INPP4B: variants seen among roughly 807,000 people sequenced by gnomAD.
The protein encoded by INPP4B is inositol polyphosphate-4-phosphatase type II B.
Under a neutral mutation model 122.5 loss-of-function variants are expected in INPP4B, and 55 were observed. The observed-to-expected ratio is 0.45, with a 90% confidence interval of 0.36 to 0.56. The LOEUF is 0.56. Among genes scored for constraint, INPP4B ranks in the 20% least tolerant of loss-of-function variants. The probability of loss-of-function intolerance (pLI) is 0.00; values close to 1 mark genes in which losing one functional copy is unlikely to be tolerated. For missense variants in INPP4B, 1,000 were observed against 1,097.7 expected, an observed-to-expected ratio of 0.91 and a Z score of 1.26; for synonymous variants, 403 against 388.7, an observed-to-expected ratio of 1.04 and a Z score of -0.43.
At chr4:142,068,863 ACT>A (rs1028785091) in intron 25 of INPP4B, among the ~76,000 whole-genome samples, 5 of 152,202 alleles carry the variant, frequency 3.3e-5, no homozygotes, top group African/African-American at 9.7e-5. Flanking sequence ...AGAGACTTAG[ACT>A]CTCACACAAT....
chr4:142,588,265 C>T (rs1354990299), intron 2 of INPP4B, among the ~76,000 whole-genome samples: 1 of 151,726 alleles, frequency 6.6e-6, no homozygotes, highest in African/African-American at 2.4e-5. Flanking sequence ...ATCCTCTTAC[C>T]CATTCCTATT....
At chr4:142,340,190 G>A (rs1778186696) in intron 7 of INPP4B, among the ~76,000 whole-genome samples, 1 of 152,030 alleles carries the variant, frequency 6.6e-6, no homozygotes, top group East Asian at 1.9e-4. Context: ...AACCATGGAG[G>A]CCTCTCCATC....
At chr4:142,536,065 C>T (rs1285761019) in intron 2 of INPP4B, among the ~76,000 whole-genome samples, 1 of 152,164 alleles carries the variant, frequency 6.6e-6, no homozygotes, top group Non-Finnish European at 1.5e-5. Flanking sequence ...TTTCTCCCCA[C>T]AGAGCAAGAC....
At chr4:142,202,511 G>A (rs915219829) in intron 14 of INPP4B, among the ~76,000 whole-genome samples, 1 of 152,002 alleles carries the variant, frequency 6.6e-6, no homozygotes, top group African/African-American at 2.4e-5. Context: ...TCACTGATGA[G>A]GTGATACTCT....
intron 1 of INPP4B, chr4:142,795,342 G>T (rs1363334035): frequency 6.6e-6 from 1 of 151,950 alleles, no homozygotes; most frequent in Non-Finnish European, 1.5e-5. Flanking sequence ...GATGCCAACC[G>T]GATGGGCACT....
chr4:142,323,402 G>A (rs1300232298), intron 7 of INPP4B, among the ~76,000 whole-genome samples: 1 of 151,398 alleles, frequency 6.6e-6, no homozygotes, highest in African/African-American at 2.4e-5. Context: ...ACCTAAACAT[G>A]CCTGAAATAG....
At chr4:142,759,825 T>TAAAAAAAAAAAA (rs70949188) in intron 1 of INPP4B, among the ~76,000 whole-genome samples, 42 of 70,046 alleles carry the variant, frequency 6.0e-4, no homozygotes, top group African/African-American at 2.1e-3. Flanking sequence ...GAGCTTTTTC[T>TAAAAAAAAAAAA]AAAAAAAAAA....
At chr4:142,146,229 T>C (rs751591659) in intron 17 of INPP4B, among the ~76,000 whole-genome samples, 1 of 152,152 alleles carries the variant, frequency 6.6e-6, no homozygotes, top group African/African-American at 2.4e-5. Flanking sequence ...TTATTTTCAC[T>C]GTCATAAAGA....
intron 25 of INPP4B, among the ~76,000 whole-genome samples, chr4:142,031,531 C>A (rs752889565): frequency 6.6e-6 from 1 of 152,068 alleles, no homozygotes; most frequent in Non-Finnish European, 1.5e-5. Context: ...TTTGGTAGAA[C>A]CTAAGGACTA....
intron 2 of INPP4B, among the ~76,000 whole-genome samples, chr4:142,501,460 T>C (rs985910093): frequency 3.3e-5 from 5 of 152,044 alleles, no homozygotes; most frequent in Non-Finnish European, 7.4e-5. Context: ...AGTGAAGAAG[T>C]GAATTATCAC....
At chr4:142,079,658 G>A (rs1414992792) in intron 25 of INPP4B, among the ~76,000 whole-genome samples, 3 of 151,990 alleles carry the variant, frequency 2.0e-5, no homozygotes, top group African/African-American at 7.2e-5. Context: ...TTCTAGATAT[G>A]CATTAGCATC....
In INPP4B at chr4:142,404,812, T is replaced by C. The variant is rs78586791; in HGVS notation, c.255+394A>G. Among the ~76,000 whole-genome samples, 472 of 152,202 alleles carry C rather than the reference T, an allele frequency of 3.1e-3. 4 individuals carry two copies. The highest frequency in any genetic ancestry group is 3.7e-3 in the African/African-American group (155 of 41,540). ...GGGTACTGTACAACTTTCTTTTTTTTCCTCAAAATAAATATTTATTTCAAT... is the reference window on the plus strand; with the variant it reads ...GGGTACTGTACAACTTTCTTTTTTTCCCTCAAAATAAATATTTATTTCAAT... On this transcript the variant is annotated intron_variant, in intron 6 of 25. Coordinates refer to ENST00000262992, the MANE Select transcript of INPP4B (RefSeq NM_001101669.3).
intron 19 of INPP4B, 141 bp from the exon 20 acceptor site, chr4:142,123,556 T>A: frequency 1.3e-6 from 1 of 771,074 alleles, no homozygotes; most frequent in Non-Finnish European, 2.0e-6. Context: ...GTAGGCATAG[T>A]AAAACAAGTT....
At chr4:142,647,486 G>C (rs1752029241) in intron 2 of INPP4B, among the ~76,000 whole-genome samples, 1 of 152,166 alleles carries the variant, frequency 6.6e-6, no homozygotes, top group Non-Finnish European at 1.5e-5. Flanking sequence ...GATAACTTGA[G>C]GGGATGGAAG....
chr4:142,372,914 C>A (rs1179501807), intron 7 of INPP4B, among the ~76,000 whole-genome samples: 1 of 152,030 alleles, frequency 6.6e-6, no homozygotes, highest in Non-Finnish European at 1.5e-5. Context: ...GCACATTTTA[C>A]TTCAATCTAG....
At chr4:142,317,850 G>A (rs1047445868) in intron 7 of INPP4B, among the ~76,000 whole-genome samples, 2 of 152,174 alleles carry the variant, frequency 1.3e-5, no homozygotes, top group African/African-American at 2.4e-5. Context: ...TTCTGTTGAT[G>A]CTATTGGGGC....
intron 2 of INPP4B, among the ~76,000 whole-genome samples, chr4:142,703,808 C>A (rs923557554): frequency 6.6e-6 from 1 of 152,142 alleles, no homozygotes; most frequent in African/African-American, 2.4e-5. Flanking sequence ...GTAAAGGGGG[C>A]TAACTCAGGA....
chr4:142,529,672 A>G (rs757514305), intron 2 of INPP4B, among the ~76,000 whole-genome samples: 1 of 152,092 alleles, frequency 6.6e-6, no homozygotes, highest in Non-Finnish European at 1.5e-5. Flanking sequence ...TTCAACAAAT[A>G]TTAAGAGTGT....
chr4:142,313,303 GA>G (rs376936159), intron 8 of INPP4B, among the ~76,000 whole-genome samples: 1,689 of 152,182 alleles, frequency 0.011, 33 homozygotes, highest in African/African-American at 0.038. Flanking sequence ...GAACACAGGA[GA>G]AAAAAATTAA....
Sources: gnomAD v4.1 joint callset for allele counts (sites outside exome capture counted in the v4.1 genomes callset) on GRCh38, gnomAD v4.1.1 for gene constraint, MANE v1.5 for transcripts, NCBI Gene and HGNC (gene_info 2026-07-23, HGNC 2026-07-21) for gene names.